KMT5B: variants seen among roughly 807,000 people sequenced by gnomAD.
The protein encoded by KMT5B is lysine methyltransferase 5B.
In KMT5B, 10 loss-of-function variants were observed where a neutral mutation model predicts 83.2. The ratio of observed to expected loss-of-function variants is 0.12; its 90% CI spans 0.07 to 0.20. The LOEUF is 0.20. KMT5B is among the 10% of genes least tolerant of loss of function. The pLI, the probability that KMT5B is intolerant of heterozygous loss-of-function variation, is 1.00. For missense variants in KMT5B, 753 were observed against 1,067.2 expected (o/e 0.71, Z 4.10); for synonymous variants, 349 against 388.8 (o/e 0.90, Z 1.20).
chr11:68,193,608 G>A (rs1042558910), intron 1 of KMT5B, among the ~76,000 whole-genome samples: 3 of 151,644 alleles, frequency 2.0e-5, no homozygotes, highest in African/African-American at 4.8e-5. Flanking sequence ...TTCGATTATA[G>A]TATTTAACTT....
At chr11:68,194,490 G>A (rs1019035228) in intron 1 of KMT5B, among the ~76,000 whole-genome samples, 2 of 152,092 alleles carry the variant, frequency 1.3e-5, no homozygotes, top group African/African-American at 4.8e-5. Context: ...ATTGTGCCCG[G>A]CCAAGTGTTC....
rs532614965 is a variant in KMT5B, at chr11:68,212,101, C to A, written c.-77+1037G>T. Reference sequence around the variant, plus strand: ...AATACTTCTTTTTACTACTAATTATCAATATTATAGGCGTGTTCTCAATAT... The same window carrying A: ...AATACTTCTTTTTACTACTAATTATAAATATTATAGGCGTGTTCTCAATAT... On this transcript the variant is annotated intron_variant, in intron 1 of 10. Coordinates refer to ENST00000304363, the MANE Select transcript of KMT5B (RefSeq NM_017635.5). Among the ~76,000 whole-genome samples, 26 of 152,242 alleles carry A rather than the reference C, an allele frequency of 1.7e-4. 1 individual carries two copies. In the South Asian group the frequency reaches 4.1e-3, roughly 24 times the overall value.
At chr11:68,179,600 G>A (rs1247272078) in intron 4 of KMT5B, 8 of 1,301,780 alleles carry the variant, frequency 6.1e-6, no homozygotes, top group African/African-American at 1.5e-5. Context: ...TCATTAGCAT[G>A]CACAATCAAG....
rs750335807 is a variant in KMT5B at position 68,190,108 on chromosome 11, G to A, written c.-32C>T. 1 of 1,604,348 alleles carries A rather than the reference G, an allele frequency of 6.2e-7. No individual in the cohort carries two copies. The highest frequency in any genetic ancestry group is 8.5e-7 in the Non-Finnish European group (1 of 1,172,974). The stretch of plus-strand genomic sequence containing the variant: ...AGACAGCCTGACCCAGGTGCATTTA[G>A]TCACTCTCTTCAAATAGCTTAGAGA... On this transcript the variant is annotated 5_prime_UTR_variant, in exon 2 of 11. Coordinates refer to ENST00000304363, the MANE Select transcript of KMT5B (RefSeq NM_017635.5).
chr11:68,210,528 T>C (rs1425826776), intron 1 of KMT5B, among the ~76,000 whole-genome samples: 1 of 152,142 alleles, frequency 6.6e-6, no homozygotes, highest in Non-Finnish European at 1.5e-5. Flanking sequence ...ATACAAACAG[T>C]GATAGAGCAG....
rs1034778530 is a variant in KMT5B, at chr11:68,155,613, G to T, written c.*2075C>A. 6.6e-6 allele frequency: 1 copy of T among 152,164 alleles called. No individual in the cohort carries two copies. The highest frequency in any genetic ancestry group is 2.4e-5 in the African/African-American group (1 of 41,420). The allele number at this position is 152,164 out of a possible 1,614,324, so 9.4% of individuals were successfully genotyped here. On this transcript the variant is annotated 3_prime_UTR_variant, in exon 11 of 11. Transcript: ENST00000304363. Reference sequence around the variant, plus strand: ...AAACTAAGGTGGGAATACAAGAGGTGACCCGCTGCCCTCCAGCACCTCCAG... The same window carrying T: ...AAACTAAGGTGGGAATACAAGAGGTTACCCGCTGCCCTCCAGCACCTCCAG...
At chr11:68,206,370 T>C (rs1565264236) in intron 1 of KMT5B, among the ~76,000 whole-genome samples, 1 of 152,198 alleles carries the variant, frequency 6.6e-6, no homozygotes, top group East Asian at 1.9e-4. Context: ...TGTCAGAAGT[T>C]ACAAGAAGTA....
chr11:68,191,568 A>C (rs1205063053), intron 1 of KMT5B, among the ~76,000 whole-genome samples: 1 of 152,028 alleles, frequency 6.6e-6, no homozygotes, highest in Non-Finnish European at 1.5e-5. Context: ...TCCCAACCTC[A>C]AGTGATCCAC....
intron 2 of KMT5B, among the ~76,000 whole-genome samples, chr11:68,189,282 G>C (rs1272817498): frequency 6.6e-6 from 1 of 152,186 alleles, no homozygotes; most frequent in African/African-American, 2.4e-5. Context: ...ACTACTTTTA[G>C]AGGAACTATG....
At chr11:68,183,245 G>C (rs761000747) in intron 3 of KMT5B, among the ~76,000 whole-genome samples, 1 of 151,712 alleles carries the variant, frequency 6.6e-6, no homozygotes, top group South Asian at 2.1e-4. Context: ...AAAAACACTG[G>C]GGGTGCTACA....
At chr11:68,162,974 G>T (rs1256081245) in intron 10 of KMT5B, among the ~76,000 whole-genome samples, 8 of 152,160 alleles carry the variant, frequency 5.3e-5, no homozygotes, top group Non-Finnish European at 1.2e-4. Flanking sequence ...CAGGGGTTGA[G>T]AATTTCAGAC....
intron 3 of KMT5B, among the ~76,000 whole-genome samples, chr11:68,184,844 G>A (rs546876099): frequency 2.1e-4 from 32 of 152,274 alleles, no homozygotes; most frequent in African/African-American, 7.7e-4. Context: ...GGGAGAAATG[G>A]TATTTAAGAG....
chr11:68,176,502 A>G (rs1013215982), intron 4 of KMT5B: 1 of 152,174 alleles, frequency 6.6e-6, no homozygotes, highest in Non-Finnish European at 1.5e-5. Flanking sequence ...TAACCGGATT[A>G]TGGCCCGGTA....
rs60469254 is a variant in KMT5B at position 68,197,095 on chromosome 11, C to T, written c.-76-6943G>A. ...AAGCGATTCTCCTGACTCAGCCTCC[C>T]GAGTAGCTAGGACTACAGGTGCGCA... On this transcript the variant is annotated intron_variant, in intron 1 of 10. Transcript: ENST00000304363. 9.7e-3 allele frequency among the ~76,000 whole-genome samples: 1,469 copies of T among 152,064 alleles called. 24 individuals are homozygous for T. Among genetic ancestry groups the T allele is most frequent in the African/African-American group, 0.033 (1,351 of 41,470 alleles).
chr11:68,164,707 G>A (rs1316771205), intron 10 of KMT5B: 6 of 510,670 alleles, frequency 1.2e-5, no homozygotes, highest in Middle Eastern at 3.2e-4. Flanking sequence ...AATAAGCCAA[G>A]CACCCCAATA....
Position 68,157,918 on chromosome 11 carries a change from C to T in KMT5B, c.2428G>A (p.Glu810Lys), listed in dbSNP as rs757828667. Residue 810 changes from glutamate to lysine, a missense_variant, in exon 11 of 11, where the codon GAG (glutamate) becomes AAG (lysine). By Grantham distance (56) the Glu-to-Lys change is moderately conservative. Coordinates refer to ENST00000304363, the MANE Select transcript of KMT5B (RefSeq NM_017635.5). ...VCCSDPLSLL[E>K]SRMEVDDYSQ... ...TAGTCATCCACCTCCATTCGAGACT[C>T]CAAGAGAGAAAGAGGATCACTGCAG... 2 of 1,614,126 alleles carry T rather than the reference C, an allele frequency of 1.2e-6. No individual in the cohort carries two copies. The highest frequency in any genetic ancestry group is 2.2e-5 in the South Asian group (2 of 91,072).
chr11:68,190,086 C>G lies in KMT5B; in HGVS notation c.-10G>C. The G allele has an allele frequency of 6.2e-7, 1 of 1,612,360 alleles. No homozygotes were observed. On this transcript the variant is annotated 5_prime_UTR_variant, in exon 2 of 11. Transcript: ENST00000304363. The stretch of plus-strand genomic sequence containing the variant: ...CTCCCAACCACTTCATACCCACAGA[C>G]AGCCTGACCCAGGTGCATTTAGTCA...
intron 3 of KMT5B, among the ~76,000 whole-genome samples, chr11:68,182,926 G>A (rs1481075760): frequency 2.6e-5 from 4 of 151,160 alleles, no homozygotes; most frequent in Admixed American, 6.6e-5. Context: ...TAGTAGAGAC[G>A]GGGTTTTCCA....
chr11:68,178,016 CAATATGA>C (rs1226002907), intron 4 of KMT5B, among the ~76,000 whole-genome samples: 10 of 152,232 alleles, frequency 6.6e-5, no homozygotes, highest in South Asian at 2.1e-4. Flanking sequence ...ACCTGTCGAG[CAATATGA>C]AATATGAAAT....
Sources: allele counts gnomAD v4.1 joint callset (sites outside exome capture counted in the v4.1 genomes callset), GRCh38; gene constraint gnomAD v4.1.1; transcripts MANE v1.5; gene names NCBI Gene and HGNC (gene_info 2026-07-23, HGNC 2026-07-21).